ZDHHC17: variants seen among roughly 807,000 people sequenced by gnomAD.
ZDHHC17 encodes the protein palmitoyltransferase ZDHHC17.
A neutral mutation model predicts 90.3 loss-of-function variants in ZDHHC17; 40 were observed. The observed-to-expected ratio is 0.44, with a 90% confidence interval of 0.34 to 0.58. The LOEUF is 0.58. ZDHHC17 is among the 20% of genes least tolerant of loss of function. The pLI, the probability that ZDHHC17 is intolerant of heterozygous loss-of-function variation, is 0.01. For synonymous variants in ZDHHC17, 235 were observed against 252.4 expected (o/e 0.93, Z 0.65); for missense variants, 614 against 780.8 (o/e 0.79, Z 2.55).
chr12:76,792,479 G>T (rs950599779), intron 1 of ZDHHC17, among the ~76,000 whole-genome samples: 1 of 152,118 alleles, frequency 6.6e-6, no homozygotes, highest in Non-Finnish European at 1.5e-5. Flanking sequence ...TATACCTGCT[G>T]TATAAGATTG....
intron 12 of ZDHHC17, 157 bp from the exon 13 acceptor site, chr12:76,845,552 T>C (rs1953484617): frequency 2.8e-6 from 1 of 352,716 alleles, no homozygotes; most frequent in East Asian, 4.3e-5. Context: ...TATTAAACAA[T>C]AGTGACTTTT....
rs1466721201 is a variant in ZDHHC17, at chr12:76,786,508, G to A, written c.94-10926G>A. Among the ~76,000 whole-genome samples, 3 of 151,916 alleles carry A rather than the reference G, an allele frequency of 2.0e-5. 1 individual carries two copies. The highest frequency in any genetic ancestry group is 4.2e-4 in the South Asian group (2 of 4,800). ...TGAACTCAAGCAGTCCACCCGCCTC[G>A]GCCTCCCAAAGTGCTGGGATTACAG... is the stretch of plus-strand genomic sequence containing the variant. On this transcript the variant is annotated intron_variant, in intron 1 of 16. Transcript: ENST00000426126.
intron 10 of ZDHHC17, among the ~76,000 whole-genome samples, chr12:76,839,511 A>G (rs1045941250): frequency 1.6e-4 from 25 of 152,164 alleles, no homozygotes; most frequent in African/African-American, 5.3e-4. Flanking sequence ...ATGAATTTCT[A>G]TTTTTGAAAG....
intron 1 of ZDHHC17, among the ~76,000 whole-genome samples, chr12:76,791,062 ACTCTG>A (rs1952753942): frequency 6.6e-6 from 1 of 152,146 alleles, no homozygotes; most frequent in African/African-American, 2.4e-5. Flanking sequence ...TTGAAATATC[ACTCTG>A]TATCCCATAA....
At chr12:76,847,447 T>G (rs1953507784) in intron 14 of ZDHHC17, among the ~76,000 whole-genome samples, 1 of 152,202 alleles carries the variant, frequency 6.6e-6, no homozygotes, top group Non-Finnish European at 1.5e-5. Flanking sequence ...GAAGATTTGG[T>G]CAAAGAACTT....
At chr12:76,825,865 T>G (rs544404535) in intron 8 of ZDHHC17, among the ~76,000 whole-genome samples, 10 of 152,228 alleles carry the variant, frequency 6.6e-5, no homozygotes, top group African/African-American at 2.4e-4. Context: ...AGGGTTTCAT[T>G]TTGTTGCCCA....
intron 10 of ZDHHC17, among the ~76,000 whole-genome samples, chr12:76,841,301 T>C (rs1172535752): frequency 6.6e-6 from 1 of 152,224 alleles, no homozygotes; most frequent in East Asian, 1.9e-4. Flanking sequence ...AATTCTTGTA[T>C]AATACTTGTA....
chr12:76,805,398 C>T lies in ZDHHC17; in HGVS notation c.279C>T (p.Leu93=), dbSNP rs1175414497. 13 of 1,599,212 alleles carry T rather than the reference C, an allele frequency of 8.1e-6. No homozygotes were observed. The highest frequency in any genetic ancestry group is 2.7e-5 in the African/African-American group (2 of 74,586). The stretch of plus-strand genomic sequence containing the variant: ...AACCGGACAAAGAAAATGTTACCCT[C>T]CTCCATTGGGCTGCCATCAATAACA... ...VRQPDKENVT[L]LHWAAINNRI... Residue 93 remains leucine (L), a synonymous_variant, in exon 3 of 17, where the codon CTC becomes CTT. Coordinates refer to ENST00000426126, the MANE Select transcript of ZDHHC17 (RefSeq NM_015336.4).
intron 5 of ZDHHC17, 21 bp downstream of exon 5, chr12:76,809,878 A>G (rs775030311): frequency 6.2e-6 from 10 of 1,601,746 alleles, no homozygotes; most frequent in South Asian, 4.5e-5. Context: ...TCTCAGTGGT[A>G]TGGATTTTAA....
At chr12:76,783,725 C>T (rs966790022) in intron 1 of ZDHHC17, among the ~76,000 whole-genome samples, 10 of 152,202 alleles carry the variant, frequency 6.6e-5, no homozygotes, top group Admixed American at 5.2e-4. Flanking sequence ...GTTACCTTAT[C>T]AGGAAAAAGA....
chr12:76,774,815 C>G (rs1402775392), intron 1 of ZDHHC17, among the ~76,000 whole-genome samples: 3 of 152,138 alleles, frequency 2.0e-5, no homozygotes, highest in African/African-American at 7.2e-5. Flanking sequence ...TTTAATATCT[C>G]TGAAATTGGG....
chr12:76,801,175 C>T (rs1592474282), intron 2 of ZDHHC17, among the ~76,000 whole-genome samples: 2 of 151,106 alleles, frequency 1.3e-5, no homozygotes, highest in South Asian at 2.1e-4. Flanking sequence ...CGAGAGCCAC[C>T]GCACCTGGCC....
intron 1 of ZDHHC17, 178 bp downstream of exon 1, chr12:76,764,507 G>GCGGGGCGGGCCCGAC (rs1219118750): frequency 4.0e-5 from 25 of 627,218 alleles, no homozygotes; most frequent in Admixed American, 3.5e-4. Context: ...GGAGGAGATA[G>GCGGGGCGGGCCCGAC]CGGGGCGGGC....
chr12:76,774,155 C>T (rs1952529007), intron 1 of ZDHHC17, among the ~76,000 whole-genome samples: 1 of 151,986 alleles, frequency 6.6e-6, no homozygotes, highest in Admixed American at 6.6e-5. Flanking sequence ...GAGGCTGAGG[C>T]AGGAGGATTG....
chr12:76,834,366 A>C (rs907493544), intron 10 of ZDHHC17, among the ~76,000 whole-genome samples: 5 of 152,218 alleles, frequency 3.3e-5, no homozygotes, highest in African/African-American at 1.2e-4. Flanking sequence ...TAATTTTTCA[A>C]TGTGGCTTTA....
intron 10 of ZDHHC17, among the ~76,000 whole-genome samples, chr12:76,832,909 G>A (rs544487494): frequency 7.2e-5 from 11 of 152,276 alleles, no homozygotes; most frequent in African/African-American, 1.9e-4. Flanking sequence ...ATTTTTCACT[G>A]TTTTGTTCAT....
rs550193652 is a variant in ZDHHC17 at position 76,831,881 on chromosome 12, A to T, written c.1141+3391A>T. Among the ~76,000 whole-genome samples, 8 of 151,916 alleles carry T rather than the reference A, an allele frequency of 5.3e-5. No individual in the cohort carries two copies. The South Asian group carries it at 1.5e-3, about 28-fold the overall frequency. On this transcript the variant is annotated intron_variant, in intron 10 of 16. Coordinates refer to ENST00000426126, the MANE Select transcript of ZDHHC17 (RefSeq NM_015336.4). Reference sequence around the variant, plus strand: ...GGCTAGTCTCAAACTCCTGGGCTCAAGTGGTTCTCTTGCCTCAGCCTCCCA... The same window carrying T: ...GGCTAGTCTCAAACTCCTGGGCTCATGTGGTTCTCTTGCCTCAGCCTCCCA...
chr12:76,815,416 T>C (rs1352879525), intron 6 of ZDHHC17, among the ~76,000 whole-genome samples: 1 of 151,922 alleles, frequency 6.6e-6, no homozygotes, highest in Non-Finnish European at 1.5e-5. Context: ...AATCTGTTTC[T>C]CTTTTAACAA....
intron 8 of ZDHHC17, among the ~76,000 whole-genome samples, chr12:76,823,916 G>A (rs571429877): frequency 4.2e-4 from 64 of 152,164 alleles, no homozygotes; most frequent in African/African-American, 1.5e-3. Flanking sequence ...GATTTATTTT[G>A]TGTTGCTCAG....
Sources: allele counts gnomAD v4.1 joint callset (sites outside exome capture counted in the v4.1 genomes callset), GRCh38; gene constraint gnomAD v4.1.1; transcripts MANE v1.5; gene names NCBI Gene and HGNC (gene_info 2026-07-23, HGNC 2026-07-21).